The following ZBTB34 variants were observed in gnomAD, a reference collection of about 807,000 sequenced individuals.
ZBTB34 encodes zinc finger and BTB domain containing 34.
Under a neutral mutation model 33.4 loss-of-function variants are expected in ZBTB34, and 1 was observed. The observed-to-expected ratio is 0.03, with a 90% confidence interval of 0.01 to 0.14. ZBTB34 has a LOEUF of 0.14. Among genes scored for constraint, ZBTB34 ranks in the 10% least tolerant of loss-of-function variants. ZBTB34 has a pLI of 1.00. For missense variants in ZBTB34, 406 were observed against 657.2 expected (o/e 0.62, Z 4.18); for synonymous variants, 283 against 253.5 (o/e 1.12, Z -1.11).
At chr9:126,881,137 A>G in exon 2 of ZBTB34, 1 of 546,284 alleles carries the variant, frequency 1.8e-6, no homozygotes, top group Non-Finnish European at 3.3e-6. Flanking sequence ...GGGAAAACAC[A>G]GGCTGACAGT....
intron 1 of ZBTB34, among the ~76,000 whole-genome samples, chr9:126,861,546 C>G (rs1415630498): frequency 6.6e-6 from 1 of 152,190 alleles, no homozygotes; most frequent in African/African-American, 2.4e-5. Context: ...AGGGCTGTCC[C>G]TGATTCAAGA....
Position 126,879,390 on chromosome 9 carries a change from A to C in ZBTB34, c.-10A>C. On this transcript the variant is annotated splice_region_variant and 5_prime_UTR_variant, in exon 2 of 2. Transcript: ENST00000319119. This position sits in a 1 kb window ranked among gnomAD's most constrained non-coding sequence, Gnocchi z 6.4. ...TGATGCAAACTCTCTCTCTCCGCAG[A>C]GTACGCTTCATGTCAGTAGAAATGG... 1 of 1,600,072 alleles carries C rather than the reference A, an allele frequency of 6.2e-7. No homozygotes were observed. The highest frequency in any genetic ancestry group is 8.5e-7 in the Non-Finnish European group (1 of 1,172,140).
At chr9:126,871,182 G>GGT (rs1051590372) in intron 1 of ZBTB34, among the ~76,000 whole-genome samples, 139 of 122,440 alleles carry the variant, frequency 1.1e-3, no homozygotes, top group Non-Finnish European at 1.4e-3. Flanking sequence ...AAGTGAGGGG[G>GGT]GTGTGTGTGT....
chr9:126,871,069 C>T (rs2033270957), intron 1 of ZBTB34, among the ~76,000 whole-genome samples: 2 of 152,130 alleles, frequency 1.3e-5, no homozygotes, highest in African/African-American at 4.8e-5. Context: ...TTGCTGCTAC[C>T]TCTTAGAGGG....
chr9:126,864,534 G>A (rs544949165), intron 1 of ZBTB34, among the ~76,000 whole-genome samples: 1 of 152,210 alleles, frequency 6.6e-6, no homozygotes, highest in South Asian at 2.1e-4. Context: ...GTAACAGTTT[G>A]GATAAAAATG....
In ZBTB34 at chr9:126,880,656, G is replaced by A. The variant is rs1339943138; in HGVS notation, c.1257G>A (p.Leu419=). The change falls in exon 2 of 2, where the codon CTG becomes CTA. Residue 419 remains leucine (L), a synonymous_variant. Transcript: ENST00000319119. This position sits in a 1 kb window ranked among gnomAD's most constrained non-coding sequence, Gnocchi z 6.7. ...AGAAGTACACACGGAAGGACCAACT[G>A]GAGTACCACATCCGGGGCCATACAG... 1 of 1,613,890 alleles carries A rather than the reference G, an allele frequency of 6.2e-7. No individual in the cohort carries two copies. Among genetic ancestry groups the A allele is most frequent in the East Asian group, 2.2e-5 (1 of 44,886 alleles).
intron 1 of ZBTB34, among the ~76,000 whole-genome samples, chr9:126,867,341 G>A (rs1376292710): frequency 1.3e-5 from 2 of 151,904 alleles, no homozygotes; most frequent in Admixed American, 1.3e-4. Flanking sequence ...CTGTGTGCAA[G>A]GCTGATGGGT....
chr9:126,873,809 C>G (rs1173548849), intron 1 of ZBTB34, among the ~76,000 whole-genome samples: 2 of 150,696 alleles, frequency 1.3e-5, no homozygotes, highest in Non-Finnish European at 3.0e-5. Context: ...TGCACCAGGT[C>G]GATCAGGCTG....
Position 126,880,383 on chromosome 9 carries a change from G to T in ZBTB34, c.984G>T (p.Arg328=). 6.2e-7 allele frequency: 1 copy of T among 1,613,666 alleles called. No individual in the cohort carries two copies. Among genetic ancestry groups the T allele is most frequent in the Non-Finnish European group, 8.5e-7 (1 of 1,179,822 alleles). ...GAGGAGGGCGTGCCCGCCAGAAGCG[G>T]GCTTTGTCTGTCCACCTGCACAGTG... The change falls in exon 2 of 2, where the codon CGG becomes CGT. Residue 328 remains arginine, a synonymous_variant. Transcript: ENST00000319119. The surrounding 1 kb of genome is among the most constrained non-coding windows in gnomAD (Gnocchi z 6.7).
intron 1 of ZBTB34, chr9:126,863,734 G>A: frequency 1.0e-6 from 1 of 985,198 alleles, no homozygotes; most frequent in Non-Finnish European, 1.2e-6. Flanking sequence ...TAATCCTTTT[G>A]TCATAAGAGG....
At chr9:126,881,046 G>T (rs1002626565) in exon 2 of ZBTB34, 5 of 1,045,216 alleles carry the variant, frequency 4.8e-6, no homozygotes, top group Middle Eastern at 3.1e-4. Context: ...AAAGTTTCTG[G>T]ATGGAACACT....
intron 1 of ZBTB34, among the ~76,000 whole-genome samples, chr9:126,862,794 C>G (rs1433274156): frequency 1.3e-5 from 2 of 152,074 alleles, no homozygotes; most frequent in Non-Finnish European, 2.9e-5. Context: ...GGCATTGTGT[C>G]TTAATACTCC....
intron 1 of ZBTB34, among the ~76,000 whole-genome samples, chr9:126,878,797 C>T (rs936649281): frequency 6.6e-6 from 1 of 150,700 alleles, no homozygotes; most frequent in African/African-American, 2.4e-5. Context: ...GCTCTCGGCT[C>T]ACTGCAACCT....
chr9:126,861,529 A>G (rs1348836157), intron 1 of ZBTB34, among the ~76,000 whole-genome samples: 1 of 152,170 alleles, frequency 6.6e-6, no homozygotes, highest in African/African-American at 2.4e-5. Context: ...GTATGTCTCA[A>G]ATTGGAAGGG....
At chr9:126,876,153 C>T (rs865966220) in intron 1 of ZBTB34, among the ~76,000 whole-genome samples, 9 of 103,672 alleles carry the variant, frequency 8.7e-5, no homozygotes, top group Middle Eastern at 4.3e-3. Context: ...TTTTTTTTTT[C>T]CCTTCCGTCC....
chr9:126,877,743 G>A (rs192919085), intron 1 of ZBTB34, among the ~76,000 whole-genome samples: 6 of 152,296 alleles, frequency 3.9e-5, no homozygotes, highest in East Asian at 3.9e-4. Context: ...GGTGGCTCAC[G>A]CCTGTTATCT....
intron 1 of ZBTB34, among the ~76,000 whole-genome samples, chr9:126,869,808 GA>G (rs1197464304): frequency 2.6e-5 from 4 of 152,168 alleles, no homozygotes; most frequent in Non-Finnish European, 1.5e-5. Flanking sequence ...AGAGCAGAAA[GA>G]TTGTCTTTCC....
intron 1 of ZBTB34, among the ~76,000 whole-genome samples, chr9:126,863,441 C>A (rs999740708): frequency 1.3e-5 from 2 of 152,186 alleles, no homozygotes; most frequent in Non-Finnish European, 2.9e-5. Flanking sequence ...TGTGTCCCCC[C>A]ACTTTTGCCT....
Position 126,869,495 on chromosome 9 carries a change from G to A in ZBTB34, c.-11+8756G>A, listed in dbSNP as rs116861027. On this transcript the variant is annotated intron_variant, in intron 1 of 1. Transcript: ENST00000319119. ...ATAAAAGCTGGTCACGGATGATGAC[G>A]GTGGTGGAGTGACTCTGCCAAGTAG... Among the ~76,000 whole-genome samples, 953 of 152,256 alleles carry A rather than the reference G, an allele frequency of 6.3e-3. 38 individuals are homozygous for A. The East Asian group carries it at 0.1, about 16-fold the overall frequency.
Sources: gnomAD v4.1 joint callset for allele counts (sites outside exome capture counted in the v4.1 genomes callset) on GRCh38, gnomAD v4.1.1 for gene constraint, Gnocchi (gnomAD v3.1) non-coding constraint, MANE v1.5 for transcripts, NCBI Gene and HGNC (gene_info 2026-07-23, HGNC 2026-07-21) for gene names.